The following WDR72 variants were observed in gnomAD, a reference collection of about 807,000 sequenced individuals.
The protein encoded by WDR72 is WD repeat domain 72, also known as WD repeat-containing protein 72.
Under a neutral mutation model 124.2 loss-of-function variants are expected in WDR72, and 120 were observed. The ratio of observed to expected loss-of-function variants is 0.97; its 90% CI spans 0.83 to 1.12. The LOEUF (loss-of-function observed/expected upper bound fraction) is 1.12. Ranked by LOEUF, WDR72 falls within the 50% of genes most tolerant of loss-of-function variation. WDR72 has a pLI of 0.00. For missense variants in WDR72, 1,387 were observed against 1,278.8 expected (o/e 1.08, Z -1.29); for synonymous variants, 452 against 441.7 (o/e 1.02, Z -0.29).
intron 7 of WDR72, among the ~76,000 whole-genome samples, 167 bp downstream of exon 7, chr15:53,712,605 C>A (rs202216629): frequency 4.1e-5 from 6 of 146,074 alleles, no homozygotes; most frequent in Admixed American, 6.8e-5. Context: ...ACCCCACCGC[C>A]AAAAAAAAAA....
At chr15:53,704,860 A>T in intron 11 of WDR72, 128 bp downstream of exon 11, 1 of 1,073,828 alleles carries the variant, frequency 9.3e-7, no homozygotes, top group Non-Finnish European at 1.3e-6. Flanking sequence ...CTTTAACATT[A>T]AAATATGTAC....
intron 1 of WDR72, among the ~76,000 whole-genome samples, chr15:53,752,389 A>C (rs565887056): frequency 6.6e-6 from 1 of 152,322 alleles, no homozygotes; most frequent in East Asian, 1.9e-4. Context: ...TCCTAATCCA[A>C]TCTGACTGGT....
intron 14 of WDR72, among the ~76,000 whole-genome samples, chr15:53,665,196 T>A (rs559439308): frequency 6.8e-6 from 1 of 146,416 alleles, no homozygotes; most frequent in East Asian, 2.0e-4. Context: ...CTAGTTTTTC[T>A]GATTTTTTTT....
chr15:53,615,384 T>C lies in WDR72; in HGVS notation c.2780+42A>G, dbSNP rs141730415. On this transcript the variant is annotated intron_variant, in intron 15 of 19. Transcript: ENST00000360509. ...AGCAAATAATGATATATATTTTTAA[T>C]GTCATAATCTAGTATAGTCAAAATC... 90 of 1,438,986 alleles carry C rather than the reference T, an allele frequency of 6.3e-5. No individual in the cohort carries two copies. In the African/African-American group the frequency reaches 1.0e-3, roughly 17 times the overall value. 89.1% of individuals were successfully genotyped at this position (1,438,986 alleles called of 1,614,324 possible).
rs57737580 is a variant in WDR72, at chr15:53,523,330, A to AAGAGAGAG, written c.3149-16_3149-9dup. On this transcript the variant is annotated splice_polypyrimidine_tract_variant and intron_variant, in intron 18 of 19. Transcript: ENST00000360509. ...TGACCGGGCTGACTGGAGCTATTAA[A>AAGAGAGAG]AGAGAGAGAGAGAGAGAGAGAGACA... is the stretch of plus-strand genomic sequence containing the variant. 1.6e-4 allele frequency: 251 copies of AAGAGAGAG among 1,575,708 alleles called. No individual in the cohort carries two copies. The highest frequency in any genetic ancestry group is 5.4e-4 in the African/African-American group (40 of 73,608).
chr15:53,556,544 G>A (rs1400737206), intron 18 of WDR72, among the ~76,000 whole-genome samples: 4 of 152,112 alleles, frequency 2.6e-5, no homozygotes, highest in African/African-American at 9.7e-5. Context: ...TCATCCATGT[G>A]AAGAAGGCTG....
chr15:53,716,712 C>A, intron 3 of WDR72, 27 bp from the exon 4 acceptor site: 1 of 1,534,534 alleles, frequency 6.5e-7, no homozygotes, highest in South Asian at 1.1e-5. Flanking sequence ...TTGTGTTATT[C>A]TCTGTCATTT....
chr15:53,516,150 G>C lies in WDR72; in HGVS notation c.*1549C>G, dbSNP rs561342225. The C allele has an allele frequency of 6.6e-6, 1 of 152,150 alleles. No homozygotes were observed. Among genetic ancestry groups the C allele is most frequent in the East Asian group, 1.9e-4 (1 of 5,170 alleles). 9.4% of individuals were successfully genotyped at this position (152,150 alleles called of 1,614,324 possible). On this transcript the variant is annotated 3_prime_UTR_variant, in exon 20 of 20. Coordinates refer to ENST00000360509, the MANE Select transcript of WDR72 (RefSeq NM_182758.4). ...TTTTCAAAGGATAATAATTTTCCAT[G>C]ATTATTCATATTAATGCTATGTTAG...
At chr15:53,692,554 A>C in intron 13 of WDR72, among the ~76,000 whole-genome samples, 1 of 152,226 alleles carries the variant, frequency 6.6e-6, no homozygotes, top group East Asian at 1.9e-4. Context: ...ATTCAAACCT[A>C]GGCAAGCTGA....
At chr15:53,741,202 T>C (rs1271936418) in intron 1 of WDR72, among the ~76,000 whole-genome samples, 1 of 152,204 alleles carries the variant, frequency 6.6e-6, no homozygotes, top group Non-Finnish European at 1.5e-5. Flanking sequence ...ATTCAAATAT[T>C]TACAAATGTT....
intron 17 of WDR72, among the ~76,000 whole-genome samples, chr15:53,600,674 T>C (rs1314536394): frequency 6.6e-6 from 1 of 152,178 alleles, no homozygotes; most frequent in Non-Finnish European, 1.5e-5. Flanking sequence ...GTCCTGGTTG[T>C]TGTTCCAGTG....
intron 18 of WDR72, among the ~76,000 whole-genome samples, chr15:53,529,838 T>C (rs1892352717): frequency 6.6e-6 from 1 of 151,880 alleles, no homozygotes; most frequent in Non-Finnish European, 1.5e-5. Context: ...TCTCAGAATC[T>C]GAAACAGATT....
In WDR72 at chr15:53,705,093, T is replaced by G; in HGVS notation, c.1243A>C (p.Ser415Arg). 6.2e-7 allele frequency: 1 copy of G among 1,614,172 alleles called. No individual in the cohort carries two copies. The highest frequency in any genetic ancestry group is 8.5e-7 in the Non-Finnish European group (1 of 1,180,030). Reference sequence around the variant, plus strand: ...CAGCCACATATTAGTTTATCAAGACTTGGAATATACTCTGATGAAGTGACT... The same window carrying G: ...CAGCCACATATTAGTTTATCAAGACGTGGAATATACTCTGATGAAGTGACT... Reference protein sequence around the residue: ...AVVTSSEYIPSLDKLICGCED... With the variant: ...AVVTSSEYIPRLDKLICGCED... Residue 415 changes from serine (S) to arginine (R), a missense_variant, in exon 11 of 20, where the codon AGT becomes CGT. Coordinates refer to ENST00000360509, the MANE Select transcript of WDR72 (RefSeq NM_182758.4).
intron 14 of WDR72, among the ~76,000 whole-genome samples, chr15:53,639,466 T>A (rs961985310): frequency 1.8e-4 from 26 of 148,362 alleles, no homozygotes; most frequent in Non-Finnish European, 3.6e-4. Flanking sequence ...TTAAAAATTA[T>A]ATAAAATAAA....
intron 18 of WDR72, among the ~76,000 whole-genome samples, chr15:53,565,213 CA>C (rs1346058474): frequency 6.6e-6 from 1 of 151,738 alleles, no homozygotes; most frequent in African/African-American, 2.4e-5. Context: ...GGACTCGAGG[CA>C]GGTGAGTTTA....
chr15:53,719,143 G>C (rs1174986376), intron 3 of WDR72, among the ~76,000 whole-genome samples: 1 of 152,024 alleles, frequency 6.6e-6, no homozygotes, highest in Non-Finnish European at 1.5e-5. Flanking sequence ...TAACACTATA[G>C]TTTTGATCAA....
At chr15:53,598,472 T>C (rs368520295) in intron 17 of WDR72, among the ~76,000 whole-genome samples, 13 of 152,082 alleles carry the variant, frequency 8.5e-5, no homozygotes, top group Non-Finnish European at 1.9e-4. Context: ...CGTGTATTTA[T>C]GTAAACAAAT....
chr15:53,711,541 A>T, intron 7 of WDR72, 60 bp from the exon 8 acceptor site: 1 of 1,542,948 alleles, frequency 6.5e-7, no homozygotes, highest in Non-Finnish European at 8.9e-7. Context: ...CAATAAGATG[A>T]ATATAAATTA....
chr15:53,599,528 G>A (rs2012946284), intron 17 of WDR72, among the ~76,000 whole-genome samples: 2 of 152,146 alleles, frequency 1.3e-5, no homozygotes, highest in Admixed American at 6.6e-5. Context: ...TTCAGTAACA[G>A]AATAGTGCAT....
Sources: allele counts gnomAD v4.1 joint callset (sites outside exome capture counted in the v4.1 genomes callset), GRCh38; gene constraint gnomAD v4.1.1; transcripts MANE v1.5; gene names NCBI Gene and HGNC (gene_info 2026-07-23, HGNC 2026-07-21).